Variants in FUBP3 observed in about 807,000 individuals in gnomAD.
FUBP3 encodes far upstream element-binding protein 3.
FUBP3 carries 28 observed loss-of-function variants against 85.6 expected under a neutral mutation model. The observed-to-expected ratio is 0.33, with a 90% CI of 0.24 to 0.45. FUBP3 has a LOEUF of 0.45. FUBP3 is among the 20% of genes least tolerant of loss of function. The probability of loss-of-function intolerance (pLI) is 1.00; values close to 1 mark genes in which losing one functional copy is unlikely to be tolerated. For missense variants in FUBP3, 583 were observed against 755.1 expected (o/e 0.77, Z 2.67); for synonymous variants, 271 against 271.4 (o/e 1.00, Z 0.01).
chr9:130,606,503 G>A (rs757616672), intron 2 of FUBP3, among the ~76,000 whole-genome samples: 4 of 152,150 alleles, frequency 2.6e-5, no homozygotes, highest in Non-Finnish European at 4.4e-5. Flanking sequence ...CCTTGTGCTG[G>A]GGTGGGAGTG....
chr9:130,616,389 C>A lies in FUBP3; in HGVS notation c.439C>A (p.Arg147Ser). The A allele has an allele frequency of 6.2e-7, 1 of 1,614,112 alleles. No individual in the cohort carries two copies. The highest frequency in any genetic ancestry group is 1.1e-5 in the South Asian group (1 of 91,082). ...AKRLLGQIVDRCRNGPGFHND... is the reference protein window; with the variant it reads ...AKRLLGQIVDSCRNGPGFHND... ...ACGGCTCCTGGGACAGATTGTGGACCGCTGTCGAAATGGACCTGGCTTTCA... is the reference window on the plus strand; with the variant it reads ...ACGGCTCCTGGGACAGATTGTGGACAGCTGTCGAAATGGACCTGGCTTTCA... Residue 147 changes from arginine (R) to serine (S), a missense_variant, in exon 7 of 19, where the codon CGC becomes AGC. This residue lies in a region of FUBP3 where 177 missense variants were observed against 221.9 expected (regional missense o/e 0.80). Transcript: ENST00000319725. This position sits in a 1 kb window ranked among gnomAD's most constrained non-coding sequence, Gnocchi z 4.7.
chr9:130,620,318 T>G (rs1439943720), intron 8 of FUBP3, 36 bp from the exon 9 acceptor site: 2 of 1,299,794 alleles, frequency 1.5e-6, no homozygotes, highest in Non-Finnish European at 2.2e-6. Flanking sequence ...TTTCAGGAAT[T>G]TTTTCTCATA....
At chr9:130,619,824 T>G (rs1564213976) in intron 8 of FUBP3, among the ~76,000 whole-genome samples, 1 of 152,076 alleles carries the variant, frequency 6.6e-6, no homozygotes. Context: ...GGCTTGCCCT[T>G]TTGTTGTTGT....
At chr9:130,596,656 C>T (rs1292910796) in intron 2 of FUBP3, 1 of 449,758 alleles carries the variant, frequency 2.2e-6, no homozygotes, top group South Asian at 1.6e-5. Context: ...GCCACCATGC[C>T]TCCTAGTACG....
At position 130,638,312 on chromosome 9, in the gene FUBP3, T is replaced by C. The variant is rs1357123520; in HGVS notation, c.*1290T>C. ...TTGACTGACAATTCATTTTACACTC[T>C]ATATAATAAAATCTCCACAAGGCAT... On this transcript the variant is annotated 3_prime_UTR_variant, in exon 19 of 19. Coordinates refer to ENST00000319725, the MANE Select transcript of FUBP3 (RefSeq NM_003934.2). 6.6e-6 allele frequency: 1 copy of C among 152,658 alleles called. No individual in the cohort carries two copies. Among genetic ancestry groups the C allele is most frequent in the East Asian group, 1.9e-4 (1 of 5,198 alleles). 9.5% of individuals were successfully genotyped at this position (152,658 alleles called of 1,614,324 possible).
At chr9:130,627,063 G>A (rs935477486) in intron 12 of FUBP3, among the ~76,000 whole-genome samples, 1 of 152,212 alleles carries the variant, frequency 6.6e-6, no homozygotes, top group Non-Finnish European at 1.5e-5. Context: ...GCATTTTGGA[G>A]AACATTAGGA....
intron 11 of FUBP3, among the ~76,000 whole-genome samples, chr9:130,624,353 A>T (rs1829878167): frequency 6.6e-6 from 1 of 152,188 alleles, no homozygotes; most frequent in African/African-American, 2.4e-5. Context: ...TCTCTATGTG[A>T]TCCCCTAAGA....
intron 9 of FUBP3, among the ~76,000 whole-genome samples, chr9:130,622,320 CAAAAA>C (rs917479721): frequency 3.2e-4 from 14 of 44,332 alleles, no homozygotes; most frequent in Non-Finnish European, 5.7e-4. Flanking sequence ...ACTCCATCTC[CAAAAA>C]AAAAAAAAAA....
rs755381276 is a variant in FUBP3 at position 130,616,567 on chromosome 9, C to T, written c.567+50C>T. The T allele has an allele frequency of 1.3e-6, 2 of 1,572,110 alleles. No homozygotes were observed. The highest frequency in any genetic ancestry group is 1.1e-5 in the South Asian group (1 of 89,514). ...ACAGCGGCCGCTCGCAGCAGGTCTT[C>T]AGCTTCCTGGCCCAGGAGATCTGCT... On this transcript the variant is annotated intron_variant, in intron 7 of 18. Transcript: ENST00000319725. The surrounding 1 kb of genome is among the most constrained non-coding windows in gnomAD (Gnocchi z 4.7).
chr9:130,625,302 CTG>C (rs1231105562), intron 11 of FUBP3, among the ~76,000 whole-genome samples: 3 of 152,350 alleles, frequency 2.0e-5, no homozygotes, highest in East Asian at 3.9e-4. Flanking sequence ...AGAAAGTTGA[CTG>C]TGCGCTCCTG....
chr9:130,636,063 A>C lies in FUBP3; in HGVS notation c.1647A>C (p.Glu549Asp). 1 of 1,613,906 alleles carries C rather than the reference A, an allele frequency of 6.2e-7. No individual in the cohort carries two copies. Among genetic ancestry groups the C allele is most frequent in the Non-Finnish European group, 8.5e-7 (1 of 1,179,904 alleles). ...CGGACTACACAATGGCCTGGGCAGA[A>C]TATTACAGACAGCAGGTCGCTTTCT... ...SPPDYTMAWA[E>D]YYRQQVAFYG... Residue 549 changes from glutamate to aspartate, a missense_variant, in exon 18 of 19, where the codon GAA (glutamate) becomes GAC (aspartate). This residue lies in a region of FUBP3 where 404 missense variants were observed against 516.8 expected (regional missense o/e 0.78). Coordinates refer to ENST00000319725, the MANE Select transcript of FUBP3 (RefSeq NM_003934.2).
rs1830377445 is a variant in FUBP3 at position 130,635,382 on chromosome 9, G to T, written c.1583-617G>T. Among the ~76,000 whole-genome samples the T allele has an allele frequency of 6.6e-6, 1 of 152,182 alleles. No individual in the cohort carries two copies. Among genetic ancestry groups the T allele is most frequent in the South Asian group, 2.1e-4 (1 of 4,820 alleles). On this transcript the variant is annotated intron_variant, in intron 17 of 18. Transcript: ENST00000319725. The surrounding 1 kb of genome is among the most constrained non-coding windows in gnomAD (Gnocchi z 4.3). ...GGAGGACTGAGGGCTTGTTTAAAGAGGTATCTCACGTGCCTTGTGTTTGGA... is the reference window on the plus strand; with the variant it reads ...GGAGGACTGAGGGCTTGTTTAAAGATGTATCTCACGTGCCTTGTGTTTGGA...
chr9:130,595,150 C>T (rs141055014), intron 1 of FUBP3, among the ~76,000 whole-genome samples: 169 of 150,134 alleles, frequency 1.1e-3, no homozygotes, highest in African/African-American at 3.9e-3. Context: ...CGCTTGAACC[C>T]GGGAGGCAAA....
At chr9:130,610,827 G>T (rs1033630354) in intron 3 of FUBP3, among the ~76,000 whole-genome samples, 5 of 152,034 alleles carry the variant, frequency 3.3e-5, no homozygotes, top group Admixed American at 2.0e-4. Flanking sequence ...TTATCCTGGG[G>T]TTTTTTTGGT....
In FUBP3 at chr9:130,616,258, C is replaced by A; in HGVS notation, c.405-97C>A. 1 of 1,166,778 alleles carries A rather than the reference C, an allele frequency of 8.6e-7. No homozygotes were observed. The highest frequency in any genetic ancestry group is 1.2e-6 in the Non-Finnish European group (1 of 804,662). 72.3% of individuals were successfully genotyped at this position (1,166,778 alleles called of 1,614,324 possible). ...GGAGCTGGATGGAGGGCTGCCCTGA[C>A]TCCCGCAGGTTTTTCCCTCAGTGCT... On this transcript the variant is annotated intron_variant, in intron 6 of 18. Coordinates refer to ENST00000319725, the MANE Select transcript of FUBP3 (RefSeq NM_003934.2). The surrounding 1 kb of genome is among the most constrained non-coding windows in gnomAD (Gnocchi z 4.7).
chr9:130,619,037 C>T (rs922499110), intron 8 of FUBP3, among the ~76,000 whole-genome samples: 2 of 152,188 alleles, frequency 1.3e-5, no homozygotes, highest in Non-Finnish European at 2.9e-5. Context: ...GATTGCCTCT[C>T]GCCTTTCCCC....
In FUBP3 at chr9:130,630,737, G is replaced by T. The variant is rs1221313642; in HGVS notation, c.1227G>T (p.Gly409=). ...DPNLRRFTIR[G]VPQQIEVARQ... ...ACCTGCGGAGATTCACCATCAGGGGGGTTCCCCAGCAGATCGAGGTGGCCA... is the reference window on the plus strand; with the variant it reads ...ACCTGCGGAGATTCACCATCAGGGGTGTTCCCCAGCAGATCGAGGTGGCCA... The change falls in exon 13 of 19, where the codon GGG becomes GGT. Residue 409 remains glycine (G), a synonymous_variant. Coordinates refer to ENST00000319725, the MANE Select transcript of FUBP3 (RefSeq NM_003934.2). 6.4e-7 allele frequency: 1 copy of T among 1,574,064 alleles called. No homozygotes were observed. The highest frequency in any genetic ancestry group is 2.4e-5 in the East Asian group (1 of 42,004).
At chr9:130,591,881 C>CTA (rs1830641274) in intron 1 of FUBP3, among the ~76,000 whole-genome samples, 1 of 152,192 alleles carries the variant, frequency 6.6e-6, no homozygotes, top group South Asian at 2.1e-4. Context: ...CATGAAACTA[C>CTA]TACATACGTT....
At chr9:130,621,945 A>G (rs2119096732) in intron 9 of FUBP3, among the ~76,000 whole-genome samples, 2 of 152,124 alleles carry the variant, frequency 1.3e-5, no homozygotes, top group East Asian at 3.9e-4. Context: ...CAACCACAGT[A>G]TTATTCCTAA....
Sources: allele counts gnomAD v4.1 joint callset (sites outside exome capture counted in the v4.1 genomes callset), GRCh38; gene constraint gnomAD v4.1.1; regional missense constraint gnomAD v4.1.1; non-coding constraint Gnocchi (gnomAD v3.1); transcripts MANE v1.5; gene names NCBI Gene and HGNC (gene_info 2026-07-23, HGNC 2026-07-21).